Variants in PCDHA1 observed in about 807,000 individuals in gnomAD.
PCDHA1 encodes the protein protocadherin alpha-1.
PCDHA1 carries 42 observed loss-of-function variants against 61.3 expected under a neutral mutation model. That is an observed-to-expected ratio of 0.69 (90% CI 0.54 to 0.89). The LOEUF (loss-of-function observed/expected upper bound fraction) is 0.89. Among genes scored for constraint, PCDHA1 ranks in the 40% least tolerant of loss-of-function variants. The pLI, the probability that PCDHA1 is intolerant of heterozygous loss-of-function variation, is 0.00. For missense variants in PCDHA1, 1,256 were observed against 1,235.3 expected, an observed-to-expected ratio of 1.02 and a Z score of -0.25; for synonymous variants, 610 against 553.8, an observed-to-expected ratio of 1.10 and a Z score of -1.43.
chr5:140,884,285 G>A, intron 1 of PCDHA1: 1 of 1,613,598 alleles, frequency 6.2e-7, no homozygotes. Flanking sequence ...GGTGGAGAGC[G>A]GCCAAGCGCC....
chr5:140,833,497 T>C (rs1189966993), intron 1 of PCDHA1, among the ~76,000 whole-genome samples: 6 of 152,168 alleles, frequency 3.9e-5, no homozygotes, highest in Non-Finnish European at 7.4e-5. Flanking sequence ...ATATTTGAGA[T>C]TGTAAAAATA....
chr5:140,872,354 A>G (rs2053612951), intron 1 of PCDHA1, among the ~76,000 whole-genome samples: 1 of 152,138 alleles, frequency 6.6e-6, no homozygotes, highest in Non-Finnish European at 1.5e-5. Context: ...TTGCCAGGCA[A>G]AGTGGTTCAG....
At chr5:140,999,666 G>A (rs185222092) in intron 3 of PCDHA1, among the ~76,000 whole-genome samples, 194 of 152,216 alleles carry the variant, frequency 1.3e-3, no homozygotes, top group African/African-American at 4.4e-3. Flanking sequence ...GCTGGGTTGC[G>A]GGGGGCTCAC....
At chr5:140,835,792 C>G (rs2150244938) in intron 1 of PCDHA1, 3 of 1,613,122 alleles carry the variant, frequency 1.9e-6, no homozygotes, top group Non-Finnish European at 2.5e-6. Flanking sequence ...AACAACCCGC[C>G]GGGCTGCCAC....
intron 1 of PCDHA1, among the ~76,000 whole-genome samples, chr5:140,896,910 T>C (rs1174063416): frequency 1.3e-5 from 2 of 152,208 alleles, no homozygotes; most frequent in Non-Finnish European, 2.9e-5. Context: ...AAGCATGCAA[T>C]GCACAATAAT....
intron 1 of PCDHA1, among the ~76,000 whole-genome samples, chr5:140,937,847 A>G (rs2091797551): frequency 6.8e-6 from 1 of 148,000 alleles, no homozygotes; most frequent in Non-Finnish European, 1.5e-5. Flanking sequence ...GGAAGGCGGA[A>G]CTTGGAGTGA....
chr5:140,835,883 C>G lies in PCDHA1; in HGVS notation c.2394+47199C>G, dbSNP rs2150247387. On this transcript the variant is annotated intron_variant, in intron 1 of 3. Transcript: ENST00000504120. ...ACTCGCTGGTGGAGCTGCGGGTGGG[C>G]GAGCGCGCGCTGTCGAGCTACGTGT... 3.1e-6 allele frequency: 5 copies of G among 1,611,944 alleles called. No homozygotes were observed. In the Admixed American group the frequency reaches 5.0e-5, roughly 16 times the overall value.
At chr5:140,846,541 A>AT (rs1226302144) in intron 1 of PCDHA1, among the ~76,000 whole-genome samples, 1 of 147,480 alleles carries the variant, frequency 6.8e-6, no homozygotes, top group Non-Finnish European at 1.5e-5. Flanking sequence ...TGCCCTGCTA[A>AT]TTTTTTGTAT....
In PCDHA1 at chr5:140,852,910, G is replaced by C. The variant is rs2150524838; in HGVS notation, c.2394+64226G>C. 404 of 797,110 alleles carry C rather than the reference G, an allele frequency of 5.1e-4. 8 individuals are homozygous for C. In the South Asian group the frequency reaches 0.02, roughly 39 times the overall value. 49.4% of individuals were successfully genotyped at this position (797,110 alleles called of 1,614,324 possible). A position where few individuals can be genotyped will look rare whatever the true frequency, so the allele number is the denominator to read the frequency against. ...ATTTTTTTTTTTGAGTCAGAGTCTCGCTCTGTTGCCCAGGCTGGAGTGCAG... is the reference window on the plus strand; with the variant it reads ...ATTTTTTTTTTTGAGTCAGAGTCTCCCTCTGTTGCCCAGGCTGGAGTGCAG... On this transcript the variant is annotated intron_variant, in intron 1 of 3. Transcript: ENST00000504120.
intron 1 of PCDHA1, chr5:140,927,814 G>T: frequency 6.2e-7 from 1 of 1,614,172 alleles, no homozygotes; most frequent in Non-Finnish European, 8.5e-7. Flanking sequence ...GCTCTTGGAG[G>T]CATACATTGA....
rs1554204607 is a variant in PCDHA1 at position 140,927,485 on chromosome 5, C to G, written c.2395-51464C>G. On this transcript the variant is annotated intron_variant, in intron 1 of 3. Transcript: ENST00000504120. ...GCACTGGATCGCGAACAGCGCGCCA[C>G]CCACCTGCTGGTGCTTACAGCTCGG... is the stretch of plus-strand genomic sequence containing the variant. The G allele has an allele frequency of 2.5e-6, 4 of 1,614,098 alleles. No individual in the cohort carries two copies. In the Admixed American group the frequency reaches 6.7e-5, roughly 27 times the overall value.
chr5:140,828,024 C>T (rs1769491669), intron 1 of PCDHA1: 2 of 1,516,724 alleles, frequency 1.3e-6, no homozygotes, highest in African/African-American at 1.4e-5. Flanking sequence ...TAATAAATTC[C>T]GGAACATACA....
intron 1 of PCDHA1, chr5:140,851,942 G>T: frequency 1.0e-6 from 1 of 967,952 alleles, no homozygotes; most frequent in Non-Finnish European, 1.2e-6. Flanking sequence ...TGTAGTATGT[G>T]ACTTTCAAAA....
At chr5:140,851,673 T>C (rs2042127540) in intron 1 of PCDHA1, 1 of 917,738 alleles carries the variant, frequency 1.1e-6, no homozygotes, top group Non-Finnish European at 1.3e-6. Flanking sequence ...TAATTGAAAT[T>C]TTCTCCATTC....
intron 1 of PCDHA1, chr5:140,809,788 A>G (rs1031219834): frequency 2.1e-6 from 1 of 478,810 alleles, no homozygotes; most frequent in Non-Finnish European, 3.6e-6. Context: ...ATATTAACAG[A>G]ACTGTAATTT....
chr5:140,997,557 A>G lies in PCDHA1; in HGVS notation c.2543-12070A>G, dbSNP rs1392974918. On this transcript the variant is annotated intron_variant, in intron 3 of 3. Coordinates refer to ENST00000504120, the MANE Select transcript of PCDHA1 (RefSeq NM_018900.4). ...TACATTATTATAATCTTACAGGACA[A>G]CTGTCATATGTGTGGTCCGTTGTTG... is the stretch of plus-strand genomic sequence containing the variant. Among the ~76,000 whole-genome samples, 15 of 152,262 alleles carry G rather than the reference A, an allele frequency of 9.9e-5. No individual in the cohort carries two copies. In the South Asian group the frequency reaches 1.2e-3, roughly 13 times the overall value.
At chr5:140,984,433 T>C (rs2097103477) in intron 3 of PCDHA1, among the ~76,000 whole-genome samples, 1 of 152,182 alleles carries the variant, frequency 6.6e-6, no homozygotes, top group East Asian at 1.9e-4. Flanking sequence ...GAAGGGGATC[T>C]CCCTTGTTCC....
intron 1 of PCDHA1, chr5:140,870,840 A>G (rs1554164745): frequency 1.9e-6 from 3 of 1,613,712 alleles, no homozygotes; most frequent in Admixed American, 3.3e-5. Context: ...TTAACAAGCT[A>G]GTACCGCGGT....
At position 140,788,041 on chromosome 5, in the gene PCDHA1, T is replaced by C; in HGVS notation, c.1751T>C (p.Leu584Ser). 6.2e-7 allele frequency: 1 copy of C among 1,613,922 alleles called. No individual in the cohort carries two copies. The highest frequency in any genetic ancestry group is 8.5e-7 in the Non-Finnish European group (1 of 1,179,868). ...IGAVSELVPR[L>S]VGAGHVVAKV... is the part of the protein sequence containing the mutation. ...GCAGTCAGTGAGCTGGTGCCGCGAT[T>C]GGTGGGTGCGGGTCATGTGGTGGCG... Residue 584 changes from leucine (L) to serine (S), a missense_variant, in exon 1 of 4, where the codon TTG becomes TCG. Transcript: ENST00000504120.
Sources: gnomAD v4.1 joint callset for allele counts (sites outside exome capture counted in the v4.1 genomes callset) on GRCh38, gnomAD v4.1.1 for gene constraint, MANE v1.5 for transcripts, NCBI Gene and HGNC (gene_info 2026-07-23, HGNC 2026-07-21) for gene names.